Variants in MIPEP observed in about 807,000 individuals in gnomAD.
MIPEP encodes the protein mitochondrial intermediate peptidase.
In MIPEP, 79 loss-of-function variants were observed where a neutral mutation model predicts 90.3. The observed-to-expected ratio is 0.87, with a 90% CI of 0.73 to 1.05. MIPEP has a LOEUF of 1.05. Among genes scored for constraint, MIPEP ranks in the 50% least tolerant of loss-of-function variants. The pLI is 0.00. For synonymous variants in MIPEP, 334 were observed against 315.8 expected, an observed-to-expected ratio of 1.06 and a Z score of -0.61; for missense variants, 940 against 905.6, an observed-to-expected ratio of 1.04 and a Z score of -0.49.
At chr13:23,851,747 T>A (rs1298957708) in intron 10 of MIPEP, among the ~76,000 whole-genome samples, 1 of 151,662 alleles carries the variant, frequency 6.6e-6, no homozygotes, top group Non-Finnish European at 1.5e-5. Context: ...CACGCTGGAG[T>A]ACAGTGGCAT....
rs147048880 is a variant in MIPEP, at chr13:23,886,416, G to T, written c.280C>A (p.Arg94Ser). 1 of 1,608,132 alleles carries T rather than the reference G, an allele frequency of 6.2e-7. No individual in the cohort carries two copies. Among genetic ancestry groups the T allele is most frequent in the Non-Finnish European group, 8.5e-7 (1 of 1,176,884 alleles). Residue 94 changes from arginine (R) to serine (S), a missense_variant, in exon 2 of 19, where the codon CGT becomes AGT. Transcript: ENST00000382172. ...GGCCCAGGTGGGGTGGAACATGCAC[G>T]GTCCACAAGCAATTCTGTCTTTCTC... ...ALRKTELLVD[R>S]ACSTPPGPQT...
intron 10 of MIPEP, among the ~76,000 whole-genome samples, chr13:23,852,926 C>A (rs1292303087): frequency 6.6e-6 from 1 of 151,582 alleles, no homozygotes; most frequent in Non-Finnish European, 1.5e-5. Context: ...ATGTTTGTGT[C>A]TTGGTTTATA....
intron 10 of MIPEP, 118 bp from the exon 11 acceptor site, chr13:23,841,606 A>G: frequency 9.0e-7 from 1 of 1,106,526 alleles, no homozygotes; most frequent in Non-Finnish European, 1.3e-6. Flanking sequence ...GATTCAAAAC[A>G]TAAAAGTGTA....
At chr13:23,789,325 C>T (rs1316098129) in intron 16 of MIPEP, among the ~76,000 whole-genome samples, 3 of 152,156 alleles carry the variant, frequency 2.0e-5, no homozygotes, top group African/African-American at 4.8e-5. Context: ...ATTTACCAAC[C>T]TTCTCTAAAT....
intron 18 of MIPEP, among the ~76,000 whole-genome samples, chr13:23,752,883 A>T (rs1011796717): frequency 6.6e-6 from 1 of 152,186 alleles, no homozygotes; most frequent in Non-Finnish European, 1.5e-5. Flanking sequence ...ACACGTCTGT[A>T]CACACACCCC....
At chr13:23,785,277 G>A (rs1241847303) in intron 16 of MIPEP, among the ~76,000 whole-genome samples, 1 of 152,080 alleles carries the variant, frequency 6.6e-6, no homozygotes, top group Non-Finnish European at 1.5e-5. Flanking sequence ...AAGAAAATGT[G>A]GCACATATAC....
rs144674478 is a variant in MIPEP, at chr13:23,749,542, G to A, written c.2044+7003C>T. Among the ~76,000 whole-genome samples the A allele has an allele frequency of 8.8e-3, 1,334 of 152,306 alleles. 13 individuals are homozygous for A. Among genetic ancestry groups the A allele is most frequent in the Middle Eastern group, 0.017 (5 of 294 alleles). ...GAGTTTCCCATCATCAGAACTGTATGGGCAAAGAGCTTTCTCCAGCCCATT... is the reference window on the plus strand; with the variant it reads ...GAGTTTCCCATCATCAGAACTGTATAGGCAAAGAGCTTTCTCCAGCCCATT... On this transcript the variant is annotated intron_variant, in intron 18 of 18. Transcript: ENST00000382172.
At chr13:23,754,368 T>C (rs569649628) in intron 18 of MIPEP, among the ~76,000 whole-genome samples, 176 of 152,346 alleles carry the variant, frequency 1.2e-3, no homozygotes, top group Non-Finnish European at 2.0e-3. Flanking sequence ...ATCATGTGAA[T>C]TAATGAGATC....
chr13:23,851,524 T>G (rs1369934267), intron 10 of MIPEP, among the ~76,000 whole-genome samples: 2 of 152,306 alleles, frequency 1.3e-5, no homozygotes, highest in East Asian at 3.9e-4. Flanking sequence ...GGTAAATGAC[T>G]GAGGAAAAAC....
intron 16 of MIPEP, among the ~76,000 whole-genome samples, chr13:23,789,278 T>C (rs754086641): frequency 2.6e-5 from 4 of 152,264 alleles, no homozygotes; most frequent in Non-Finnish European, 4.4e-5. Context: ...TCAAATCTAC[T>C]ACTCTTTGCA....
At chr13:23,766,543 T>C (rs1024036979) in intron 16 of MIPEP, among the ~76,000 whole-genome samples, 5 of 152,324 alleles carry the variant, frequency 3.3e-5, no homozygotes, top group East Asian at 1.9e-4. Context: ...AGAGGACATA[T>C]CCTTCTATTT....
intron 7 of MIPEP, among the ~76,000 whole-genome samples, chr13:23,865,417 C>A (rs546261445): frequency 1.3e-5 from 2 of 152,312 alleles, no homozygotes; most frequent in Non-Finnish European, 2.9e-5. Flanking sequence ...CTTAACAAGT[C>A]CTGTGTATAC....
intron 15 of MIPEP, among the ~76,000 whole-genome samples, chr13:23,806,564 G>A (rs962489230): frequency 1.3e-5 from 2 of 152,038 alleles, no homozygotes; most frequent in Non-Finnish European, 2.9e-5. Context: ...TCTAGTCCCA[G>A]CTACTCGGGA....
At chr13:23,859,034 A>G in intron 9 of MIPEP, 122 bp from the exon 10 acceptor site, 2 of 778,396 alleles carry the variant, frequency 2.6e-6, no homozygotes, top group South Asian at 1.6e-5. Flanking sequence ...ACAATTTTAT[A>G]GAATCCCTTA....
In MIPEP at chr13:23,870,094, T is replaced by C; in HGVS notation, c.705A>G (p.Pro235=). Residue 235 remains proline (P), a synonymous_variant, in exon 6 of 19, where the codon CCA becomes CCG. Coordinates refer to ENST00000382172, the MANE Select transcript of MIPEP (RefSeq NM_005932.4). ...FPNKIEKHLL[P]EHIRRNFTSA... is the part of the protein sequence containing the mutation. Reference sequence around the variant, plus strand: ...ATGTAAAGTTACGACGAATGTGTTCTGGTAAGAGATGCTTCTCAATCTTGT... The same window carrying C: ...ATGTAAAGTTACGACGAATGTGTTCCGGTAAGAGATGCTTCTCAATCTTGT... 1.2e-6 allele frequency: 2 copies of C among 1,612,992 alleles called. No individual in the cohort carries two copies. Among genetic ancestry groups the C allele is most frequent in the Non-Finnish European group, 1.7e-6 (2 of 1,179,434 alleles).
rs7335195 is a variant in MIPEP at position 23,817,253 on chromosome 13, A to G, written c.1654-7329T>C. On this transcript the variant is annotated intron_variant, in intron 14 of 18. Coordinates refer to ENST00000382172, the MANE Select transcript of MIPEP (RefSeq NM_005932.4). Reference sequence around the variant, plus strand: ...CCAAACACAAAGGCAGAAAAGCTTTACAAAGGGTGAACTATGCTTTTAAGT... The same window carrying G: ...CCAAACACAAAGGCAGAAAAGCTTTGCAAAGGGTGAACTATGCTTTTAAGT... Among the ~76,000 whole-genome samples, 1,326 of 152,340 alleles carry G rather than the reference A, an allele frequency of 8.7e-3. 18 individuals carry two copies. The highest frequency in any genetic ancestry group is 0.031 in the African/African-American group (1,282 of 41,572).
chr13:23,849,151 G>A (rs926058052), intron 10 of MIPEP, among the ~76,000 whole-genome samples: 2 of 152,212 alleles, frequency 1.3e-5, no homozygotes, highest in African/African-American at 2.4e-5. Flanking sequence ...GGCTGAGGCC[G>A]ACCTGTGAAC....
chr13:23,778,441 C>T (rs1952740443), intron 16 of MIPEP, among the ~76,000 whole-genome samples: 1 of 152,104 alleles, frequency 6.6e-6, no homozygotes, highest in Non-Finnish European at 1.5e-5. Flanking sequence ...CACGAATCAC[C>T]ATAACCATGC....
chr13:23,795,270 G>A (rs1271438766), intron 16 of MIPEP, among the ~76,000 whole-genome samples: 2 of 152,042 alleles, frequency 1.3e-5, no homozygotes, highest in Non-Finnish European at 2.9e-5. Flanking sequence ...TGAATACTCT[G>A]GAGAGAGAGC....
Sources: gnomAD v4.1 joint callset for allele counts (sites outside exome capture counted in the v4.1 genomes callset) on GRCh38, gnomAD v4.1.1 for gene constraint, MANE v1.5 for transcripts, NCBI Gene and HGNC (gene_info 2026-07-23, HGNC 2026-07-21) for gene names.